Variants in PIWIL1 observed in about 807,000 individuals in gnomAD.
The protein encoded by PIWIL1 is piwi-like protein 1.
PIWIL1 carries 73 observed loss-of-function variants against 114.4 expected under a neutral mutation model. The observed-to-expected ratio is 0.64, with a 90% CI of 0.53 to 0.78. PIWIL1 has a LOEUF of 0.78. Among genes scored for constraint, PIWIL1 ranks in the 30% least tolerant of loss-of-function variants. The pLI is 0.00. For synonymous variants in PIWIL1, 375 were observed against 369.0 expected, an observed-to-expected ratio of 1.02 and a Z score of -0.19; for missense variants, 723 against 1,063.1, an observed-to-expected ratio of 0.68 and a Z score of 4.45.
At position 130,346,583 on chromosome 12, in the gene PIWIL1, A is replaced by T. The variant is rs1263744149; in HGVS notation, c.530A>T (p.Lys177Met). The change falls in exon 5 of 21, where the codon AAG (lysine) becomes ATG (methionine). Residue 177 changes from lysine (K) to methionine (M), a missense_variant and splice_region_variant. This residue lies in a region of PIWIL1 where 190 missense variants were observed against 294.4 expected (regional missense o/e 0.65). Coordinates refer to ENST00000245255, the MANE Select transcript of PIWIL1 (RefSeq NM_004764.5). ...TTTTTACCTAAAAGACTACAGCAAAAGGTTATTTGGGAAAAGGGAGATGGG... is the reference window on the plus strand; with the variant it reads ...TTTTTACCTAAAAGACTACAGCAAATGGTTATTTGGGAAAAGGGAGATGGG... ...ILFLPKRLQQ[K>M]VTEVFSKTRN... 6.2e-7 allele frequency: 1 copy of T among 1,610,266 alleles called. No homozygotes were observed. Among genetic ancestry groups the T allele is most frequent in the Non-Finnish European group, 8.5e-7 (1 of 1,177,008 alleles).
the PIWIL1 span, among the ~76,000 whole-genome samples, chr12:130,417,221 C>A: frequency 3.3e-5 from 5 of 152,182 alleles, no homozygotes; most frequent in African/African-American, 1.2e-4. Flanking sequence ...ATTTGACACA[C>A]CAGTGCCATT....
the PIWIL1 span, among the ~76,000 whole-genome samples, chr12:130,395,406 G>GGGT: frequency 1.3e-5 from 2 of 152,322 alleles, no homozygotes; most frequent in East Asian, 3.9e-4. Flanking sequence ...CTTGTCCTCA[G>GGGT]GGTGGGTGCT....
At chr12:130,353,758 C>T (rs1400648817) in intron 9 of PIWIL1, among the ~76,000 whole-genome samples, 6 of 151,958 alleles carry the variant, frequency 3.9e-5, no homozygotes. Flanking sequence ...GAAACCCTGT[C>T]TCTACTAAAA....
At chr12:130,352,144 GAA>G (rs974793451) in intron 9 of PIWIL1, among the ~76,000 whole-genome samples, 7 of 152,274 alleles carry the variant, frequency 4.6e-5, no homozygotes, top group Middle Eastern at 6.8e-3. Flanking sequence ...AATAATTAAT[GAA>G]AGAGGTTGAC....
chr12:130,361,136 C>G (rs1297688227), intron 14 of PIWIL1, 44 bp from the exon 15 acceptor site: 2 of 1,576,398 alleles, frequency 1.3e-6, no homozygotes, highest in Non-Finnish European at 1.7e-6. Flanking sequence ...TGCTCTTAAT[C>G]ATCTGTCTCC....
At position 130,345,876 on chromosome 12, in the gene PIWIL1, C is replaced by G; in HGVS notation, c.314C>G (p.Thr105Arg). The G allele has an allele frequency of 6.2e-7, 1 of 1,612,968 alleles. No individual in the cohort carries two copies. The highest frequency in any genetic ancestry group is 1.1e-5 in the South Asian group (1 of 90,698). ...CTAGACCATGTTAAAGAATCAAAAA[C>G]AGGTAGGTTAATTAAGAATAAGTTT... is the stretch of plus-strand genomic sequence containing the variant. ...QNLDHVKESK[T>R]GSSGIIVRLS... is the part of the protein sequence containing the mutation. The change falls in exon 4 of 21, where the codon ACA (threonine) becomes AGA (arginine). Residue 105 changes from threonine (T) to arginine (R), a missense_variant and splice_region_variant. Physicochemically the swap from Thr to Arg is moderately conservative, Grantham distance 71 (BLOSUM62 -1). This residue lies in a region of PIWIL1 where 190 missense variants were observed against 294.4 expected (regional missense o/e 0.65). Transcript: ENST00000245255.
the PIWIL1 span, among the ~76,000 whole-genome samples, chr12:130,381,827 G>T: frequency 6.6e-6 from 1 of 152,172 alleles, no homozygotes; most frequent in Non-Finnish European, 1.5e-5. Context: ...TATTGTCATT[G>T]TGGGTTTTGG....
intron 18 of PIWIL1, among the ~76,000 whole-genome samples, chr12:130,364,648 G>A (rs1219349085): frequency 6.6e-6 from 1 of 152,126 alleles, no homozygotes; most frequent in African/African-American, 2.4e-5. Flanking sequence ...GTCAAATAAT[G>A]ATACTTTGTT....
At chr12:130,416,818 T>C in the PIWIL1 span, among the ~76,000 whole-genome samples, 1 of 152,166 alleles carries the variant, frequency 6.6e-6, no homozygotes, top group Non-Finnish European at 1.5e-5. Context: ...AAATTGTGCA[T>C]CTGACAAAGG....
chr12:130,339,713 C>T (rs2072845791), intron 1 of PIWIL1: 1 of 152,138 alleles, frequency 6.6e-6, no homozygotes, highest in African/African-American at 2.4e-5. Context: ...ATTTAGTGAC[C>T]AGCACAGCGC....
chr12:130,353,215 G>C (rs1355418592), intron 9 of PIWIL1, among the ~76,000 whole-genome samples: 2 of 151,774 alleles, frequency 1.3e-5, no homozygotes, highest in East Asian at 3.9e-4. Flanking sequence ...TTGTTCTTCT[G>C]GTGTGCTCAG....
chr12:130,352,345 G>A (rs895541107), intron 9 of PIWIL1, among the ~76,000 whole-genome samples: 1 of 152,112 alleles, frequency 6.6e-6, no homozygotes, highest in Non-Finnish European at 1.5e-5. Flanking sequence ...TAATAAAAAT[G>A]AGAGTGCTGT....
In PIWIL1 at chr12:130,371,337, C is replaced by T. The variant is rs370815818; in HGVS notation, c.2469+14C>T. The T allele has an allele frequency of 2.5e-6, 4 of 1,613,842 alleles. No individual in the cohort carries two copies. Among genetic ancestry groups the T allele is most frequent in the African/African-American group, 2.7e-5 (2 of 74,920 alleles). Reference sequence around the variant, plus strand: ...TACAACTGGCCAGTAAGTGCTTCTACTTGTTGATGTTTAGCAAATAAAGGA... The same window carrying T: ...TACAACTGGCCAGTAAGTGCTTCTATTTGTTGATGTTTAGCAAATAAAGGA... On this transcript the variant is annotated intron_variant, in intron 20 of 20. Coordinates refer to ENST00000245255, the MANE Select transcript of PIWIL1 (RefSeq NM_004764.5).
chr12:130,349,920 A>G lies in PIWIL1; in HGVS notation c.997A>G (p.Lys333Glu). 3 of 1,613,532 alleles carry G rather than the reference A, an allele frequency of 1.9e-6. No homozygotes were observed. The highest frequency in any genetic ancestry group is 2.2e-5 in the East Asian group (1 of 44,854). Residue 333 changes from lysine to glutamate, a missense_variant, in exon 9 of 21, where the codon AAG (lysine) becomes GAG (glutamate). By Grantham distance (56) the Lys-to-Glu change is moderately conservative. Coordinates refer to ENST00000245255, the MANE Select transcript of PIWIL1 (RefSeq NM_004764.5). ...GGACCAGAATCCCAAGAGCACCTTT[A>G]AGAAAGCCGACGGCTCTGAAGTCAG... ...DWDQNPKSTFKKADGSEVSFL... is the reference protein window; with the variant it reads ...DWDQNPKSTFEKADGSEVSFL...
rs897552611 is a variant in PIWIL1 at position 130,371,718 on chromosome 12, A to T, written c.*120A>T. 1 of 587,664 alleles carries T rather than the reference A, an allele frequency of 1.7e-6. No individual in the cohort carries two copies. Among genetic ancestry groups the T allele is most frequent in the African/African-American group, 1.9e-5 (1 of 52,624 alleles). 36.4% of individuals were successfully genotyped at this position (587,664 alleles called of 1,614,324 possible). A position where few individuals can be genotyped will look rare whatever the true frequency, so the allele number is the denominator to read the frequency against. On this transcript the variant is annotated 3_prime_UTR_variant, in exon 21 of 21. Transcript: ENST00000245255. ...GATGAAACTTGGGAAGGGGATTAGG[A>T]GATCTAGCATTTTATTTCTAGCATT...
intron 1 of PIWIL1, among the ~76,000 whole-genome samples, chr12:130,339,025 C>T (rs1386407621): frequency 1.3e-5 from 2 of 151,970 alleles, no homozygotes; most frequent in African/African-American, 2.4e-5. Context: ...CGGGACCTCC[C>T]GCACTACCCA....
Position 130,372,120 on chromosome 12 carries a change from T to C in PIWIL1, c.*522T>C, listed in dbSNP as rs1232300854. The C allele has an allele frequency of 6.6e-6, 1 of 152,196 alleles. No individual in the cohort carries two copies. Among genetic ancestry groups the C allele is most frequent in the East Asian group, 1.9e-4 (1 of 5,186 alleles). 9.4% of individuals were successfully genotyped at this position (152,196 alleles called of 1,614,324 possible). ...TATACACAAGATACAGGAGAAAATATGCTTGATTTTTATTTGGCAGGGGGG... is the reference window on the plus strand; with the variant it reads ...TATACACAAGATACAGGAGAAAATACGCTTGATTTTTATTTGGCAGGGGGG... On this transcript the variant is annotated 3_prime_UTR_variant, in exon 21 of 21. Coordinates refer to ENST00000245255, the MANE Select transcript of PIWIL1 (RefSeq NM_004764.5).
At chr12:130,399,652 T>C in the PIWIL1 span, 2 of 1,613,232 alleles carry the variant, frequency 1.2e-6, no homozygotes, top group Non-Finnish European at 1.7e-6. Flanking sequence ...GGGACAGAGA[T>C]TAAAAAGGCT....
chr12:130,357,482 A>T lies in PIWIL1; in HGVS notation c.1594A>T (p.Ile532Phe). The T allele has an allele frequency of 2.5e-6, 4 of 1,611,486 alleles. No individual in the cohort carries two copies. The highest frequency in any genetic ancestry group is 2.5e-6 in the Non-Finnish European group (3 of 1,177,708). The part of the protein sequence containing the change: ...MGMQMRKAIM[I>F]EVDDRTEAYL... ...TTGGATTGTGTACTTTCATTCTAGG[A>T]TTGAAGTGGATGACAGAACTGAAGC... Residue 532 changes from isoleucine to phenylalanine, a missense_variant and splice_region_variant, in exon 14 of 21, where the codon ATT becomes TTT. By Grantham distance (21) the Ile-to-Phe change is conservative (BLOSUM62 0). Coordinates refer to ENST00000245255, the MANE Select transcript of PIWIL1 (RefSeq NM_004764.5).
Sources: gnomAD v4.1 joint callset for allele counts (sites outside exome capture counted in the v4.1 genomes callset) on GRCh38, gnomAD v4.1.1 for gene constraint, gnomAD v4.1.1 regional missense constraint, MANE v1.5 for transcripts, NCBI Gene and HGNC (gene_info 2026-07-23, HGNC 2026-07-21) for gene names.